The following TFDP2 variants were observed in gnomAD, a reference collection of about 807,000 sequenced individuals.
TFDP2 encodes the protein transcription factor Dp-2 (E2F dimerization partner 2).
TFDP2 carries 17 observed loss-of-function variants against 59.3 expected under a neutral mutation model. That is an observed-to-expected ratio of 0.29 (90% CI 0.20 to 0.43). TFDP2 has a LOEUF of 0.43. Ranked by LOEUF, TFDP2 falls within the 20% of genes least tolerant of loss-of-function variation. TFDP2 has a pLI of 1.00. For missense variants in TFDP2, 391 were observed against 528.8 expected, an observed-to-expected ratio of 0.74 and a Z score of 2.56; for synonymous variants, 180 against 194.7, an observed-to-expected ratio of 0.92 and a Z score of 0.63.
intron 3 of TFDP2, among the ~76,000 whole-genome samples, chr3:142,019,654 C>CG (rs960786244): frequency 1.3e-5 from 2 of 151,000 alleles, no homozygotes; most frequent in African/African-American, 4.9e-5. Context: ...AACACCCCCC[C>CG]CAACATCTTC....
intron 3 of TFDP2, among the ~76,000 whole-genome samples, chr3:142,046,966 G>A (rs1947372245): frequency 6.6e-6 from 1 of 152,068 alleles, no homozygotes; most frequent in African/African-American, 2.4e-5. Flanking sequence ...GCAGATAAGT[G>A]GAAGCAATAG....
At chr3:142,015,757 C>A (rs1945085256) in intron 3 of TFDP2, among the ~76,000 whole-genome samples, 1 of 152,064 alleles carries the variant, frequency 6.6e-6, no homozygotes, top group Non-Finnish European at 1.5e-5. Context: ...TGTGGTTAGA[C>A]CTAGATTTTA....
intron 1 of TFDP2, among the ~76,000 whole-genome samples, chr3:142,124,881 T>G (rs1013287855): frequency 2.6e-5 from 4 of 152,072 alleles, no homozygotes; most frequent in Non-Finnish European, 5.9e-5. Flanking sequence ...AAAGAAAAAG[T>G]AGGCAAAGAA....
intron 3 of TFDP2, among the ~76,000 whole-genome samples, chr3:142,048,557 T>G (rs1245267391): frequency 6.6e-6 from 1 of 152,058 alleles, no homozygotes; most frequent in African/African-American, 2.4e-5. Flanking sequence ...GTTTTCAACC[T>G]CTGATTTGAA....
Position 142,005,074 on chromosome 3 carries a change from G to T in TFDP2, c.186+367C>A, listed in dbSNP as rs569195285. ...TTTTTCTTTTTCTTTTTGAGACAGG[G>T]TCTTGCTTTATCACCCAGGCAGGAG... On this transcript the variant is annotated intron_variant, in intron 4 of 12. Transcript: ENST00000489671. Among the ~76,000 whole-genome samples the T allele has an allele frequency of 5.3e-5, 8 of 152,328 alleles. No individual in the cohort carries two copies. In the South Asian group the frequency reaches 1.7e-3, roughly 32 times the overall value.
intron 4 of TFDP2, among the ~76,000 whole-genome samples, chr3:142,004,446 T>G (rs577895432): frequency 3.3e-4 from 51 of 152,312 alleles, no homozygotes; most frequent in African/African-American, 1.2e-3. Flanking sequence ...ACACCGGCAA[T>G]GAAGAGTTAT....
intron 3 of TFDP2, among the ~76,000 whole-genome samples, chr3:142,067,724 C>T (rs1021619458): frequency 6.6e-6 from 1 of 152,240 alleles, no homozygotes; most frequent in African/African-American, 2.4e-5. Context: ...GACTGTAGGT[C>T]GGGCATGGTA....
At chr3:142,015,350 T>A (rs1329191778) in intron 3 of TFDP2, among the ~76,000 whole-genome samples, 2 of 152,208 alleles carry the variant, frequency 1.3e-5, no homozygotes, top group African/African-American at 4.8e-5. Context: ...TCCATTTTGA[T>A]GTCTTACACG....
chr3:142,086,430 C>T lies in TFDP2; in HGVS notation c.82+6631G>A, dbSNP rs1056973152. 5.1e-4 allele frequency among the ~76,000 whole-genome samples: 78 copies of T among 152,184 alleles called. 1 individual carries two copies. The highest frequency in any genetic ancestry group is 1.9e-3 in the African/African-American group (78 of 41,450). Reference sequence around the variant, plus strand: ...ACCAACCAGCTATAAATTGGGGTTCCTCAAACTCCCTACTCAGGTTCGATT... The same window carrying T: ...ACCAACCAGCTATAAATTGGGGTTCTTCAAACTCCCTACTCAGGTTCGATT... On this transcript the variant is annotated intron_variant, in intron 3 of 12. Transcript: ENST00000489671.
intron 1 of TFDP2, among the ~76,000 whole-genome samples, chr3:142,109,333 ATTT>A (rs11378143): frequency 6.9e-6 from 1 of 144,962 alleles, no homozygotes. Context: ...AGTAAGCTAC[ATTT>A]TTTTTTTTTT....
At chr3:142,108,699 G>A (rs899601699) in intron 1 of TFDP2, among the ~76,000 whole-genome samples, 4 of 152,154 alleles carry the variant, frequency 2.6e-5, no homozygotes, top group African/African-American at 7.2e-5. Flanking sequence ...ACTGGTGACA[G>A]TAATGACATT....
chr3:142,133,918 C>T (rs886102805), intron 1 of TFDP2, among the ~76,000 whole-genome samples: 1 of 151,514 alleles, frequency 6.6e-6, no homozygotes, highest in Non-Finnish European at 1.5e-5. Flanking sequence ...GGGCAGGGCA[C>T]GGTGGCTCAC....
At chr3:141,968,343 TA>T (rs1287946792) in intron 9 of TFDP2, among the ~76,000 whole-genome samples, 1 of 123,506 alleles carries the variant, frequency 8.1e-6, no homozygotes, top group African/African-American at 3.0e-5. Flanking sequence ...ATATAATATA[TA>T]ACTATATATA....
At chr3:142,072,256 T>C (rs1214006672) in intron 3 of TFDP2, among the ~76,000 whole-genome samples, 1 of 152,234 alleles carries the variant, frequency 6.6e-6, no homozygotes, top group Non-Finnish European at 1.5e-5. Flanking sequence ...ACTATTATAA[T>C]ATGTATCATT....
intron 1 of TFDP2, among the ~76,000 whole-genome samples, chr3:142,123,072 C>G (rs1229335912): frequency 6.6e-6 from 1 of 152,076 alleles, no homozygotes; most frequent in Non-Finnish European, 1.5e-5. Flanking sequence ...AGCAATTCTC[C>G]TGTCTCAGCC....
intron 8 of TFDP2, among the ~76,000 whole-genome samples, chr3:141,971,053 G>A (rs1332974427): frequency 6.7e-6 from 1 of 148,194 alleles, no homozygotes; most frequent in East Asian, 2.0e-4. Flanking sequence ...GCAAGACCCT[G>A]TCTCAAAAAG....
rs1482300345 is a variant in TFDP2, at chr3:142,015,703, A to G, written c.83-10159T>C. ...CCACAACTCTATTTCCATGCTCTCT[A>G]ATACAGCACTCACTAGACACAGGTG... On this transcript the variant is annotated intron_variant, in intron 3 of 12. Transcript: ENST00000489671. Among the ~76,000 whole-genome samples, 5 of 152,190 alleles carry G rather than the reference A, an allele frequency of 3.3e-5. No homozygotes were observed. The East Asian group carries it at 9.6e-4, about 29-fold the overall frequency.
At chr3:142,090,567 T>TC (rs2060965739) in intron 3 of TFDP2, among the ~76,000 whole-genome samples, 1 of 151,372 alleles carries the variant, frequency 6.6e-6, no homozygotes, top group African/African-American at 2.4e-5. Context: ...CTTTCCTTTT[T>TC]TTTTTTTTTT....
rs529948754 is a variant in TFDP2, at chr3:141,967,927, T to C, written c.732+2146A>G. On this transcript the variant is annotated intron_variant, in intron 9 of 12. Coordinates refer to ENST00000489671, the MANE Select transcript of TFDP2 (RefSeq NM_001178139.2). ...ATTCTTTCTGATAGGCAGATGACTGTTGGCATGCTGATAAACAGGTTTTTA... is the reference window on the plus strand; with the variant it reads ...ATTCTTTCTGATAGGCAGATGACTGCTGGCATGCTGATAAACAGGTTTTTA... 1.6e-4 allele frequency among the ~76,000 whole-genome samples: 25 copies of C among 152,190 alleles called. No individual in the cohort carries two copies. In the South Asian group the frequency reaches 5.0e-3, roughly 30 times the overall value.
Sources: allele counts gnomAD v4.1 joint callset (sites outside exome capture counted in the v4.1 genomes callset), GRCh38; gene constraint gnomAD v4.1.1; transcripts MANE v1.5; gene names NCBI Gene and HGNC (gene_info 2026-07-23, HGNC 2026-07-21).